Variants in CCDC68 observed in about 807,000 individuals in gnomAD.
CCDC68 encodes the protein coiled-coil domain containing 68, also known as coiled-coil domain-containing protein 68.
A neutral mutation model predicts 47.1 loss-of-function variants in CCDC68; 45 were observed. That is an observed-to-expected ratio of 0.96 (90% confidence interval 0.75 to 1.23). CCDC68 has a LOEUF of 1.23. CCDC68 is among the 50% of genes most tolerant of loss of function. The pLI, the probability that CCDC68 is intolerant of heterozygous loss-of-function variation, is 0.00. For synonymous variants in CCDC68, 131 were observed against 129.5 expected, an observed-to-expected ratio of 1.01 and a Z score of -0.08; for missense variants, 353 against 373.6, an observed-to-expected ratio of 0.94 and a Z score of 0.45.
Position 54,904,238 on chromosome 18 carries a change from A to G in CCDC68, c.*120T>C. ...GTCATCTTCTTGCAAAGCCATTGGT[A>G]TGTAATAAGTTCCATTTAAATAATG... On this transcript the variant is annotated 3_prime_UTR_variant, in exon 12 of 12. Coordinates refer to ENST00000591504, the MANE Select transcript of CCDC68 (RefSeq NM_025214.3). 1 of 718,900 alleles carries G rather than the reference A, an allele frequency of 1.4e-6. No individual in the cohort carries two copies. The highest frequency in any genetic ancestry group is 2.4e-6 in the Non-Finnish European group (1 of 410,186). The allele number at this position is 718,900 out of a possible 1,614,324, so 44.5% of individuals were successfully genotyped here.
In CCDC68 at chr18:54,904,168, G is replaced by T; in HGVS notation, c.*190C>A. 2.2e-6 allele frequency: 1 copy of T among 449,808 alleles called. No homozygotes were observed. 27.9% of individuals were successfully genotyped at this position (449,808 alleles called of 1,614,324 possible). On this transcript the variant is annotated 3_prime_UTR_variant, in exon 12 of 12. Transcript: ENST00000591504. ...TTTCTTCAACTATTTGGTAAGTTTT[G>T]AAGAGTCCATCCATTAAATATAGAT...
chr18:54,907,204 A>G (rs930912447), intron 11 of CCDC68, among the ~76,000 whole-genome samples: 3 of 152,230 alleles, frequency 2.0e-5, no homozygotes, highest in Admixed American at 6.5e-5. Flanking sequence ...AACCACAACA[A>G]AAATTTAACT....
chr18:54,940,146 T>C (rs1809722066), intron 4 of CCDC68, among the ~76,000 whole-genome samples: 2 of 152,096 alleles, frequency 1.3e-5, no homozygotes, highest in African/African-American at 4.8e-5. Context: ...CTTCTCCAGT[T>C]TCAGAACTTT....
chr18:54,907,313 A>C (rs900586724), intron 11 of CCDC68, among the ~76,000 whole-genome samples: 1 of 152,204 alleles, frequency 6.6e-6, no homozygotes, highest in Non-Finnish European at 1.5e-5. Flanking sequence ...CTGTTGAAGA[A>C]CCTTGTCCTT....
At chr18:54,909,637 T>C (rs149024966) in intron 10 of CCDC68, among the ~76,000 whole-genome samples, 7 of 152,276 alleles carry the variant, frequency 4.6e-5, no homozygotes, top group Admixed American at 2.6e-4. Context: ...TGTGAGCAAG[T>C]GGTGTGGGGT....
chr18:54,907,500 T>C (rs1407030459), intron 11 of CCDC68, among the ~76,000 whole-genome samples: 3 of 152,186 alleles, frequency 2.0e-5, no homozygotes, highest in Non-Finnish European at 4.4e-5. Context: ...GGAGATGATC[T>C]GTAATGTCTA....
intron 1 of CCDC68, among the ~76,000 whole-genome samples, chr18:54,954,067 T>TTTG (rs2044671266): frequency 6.9e-6 from 1 of 145,816 alleles, no homozygotes; most frequent in East Asian, 2.0e-4. Flanking sequence ...TTTTTTTTTT[T>TTTG]TTGTTTCAGA....
chr18:54,902,197 G>A lies in CCDC68; in HGVS notation c.*2161C>T, dbSNP rs1386059648. 1.3e-5 allele frequency: 2 copies of A among 152,152 alleles called. No individual in the cohort carries two copies. The highest frequency in any genetic ancestry group is 1.3e-4 in the Admixed American group (2 of 15,286). 9.4% of individuals were successfully genotyped at this position (152,152 alleles called of 1,614,324 possible). A position where few individuals can be genotyped will look rare whatever the true frequency, so the allele number is the denominator to read the frequency against. ...CCTCACTGTTATCATTTTTGCATAG[G>A]TGGTTTCACCACTGTATTTCCATGT... On this transcript the variant is annotated 3_prime_UTR_variant, in exon 12 of 12. Coordinates refer to ENST00000591504, the MANE Select transcript of CCDC68 (RefSeq NM_025214.3).
At chr18:54,940,315 T>A (rs944786379) in intron 4 of CCDC68, among the ~76,000 whole-genome samples, 3 of 152,244 alleles carry the variant, frequency 2.0e-5, no homozygotes, top group Non-Finnish European at 4.4e-5. Flanking sequence ...CTGAATTTTT[T>A]AATCTTCCCT....
chr18:54,904,352 G>T lies in CCDC68; in HGVS notation c.*6C>A. On this transcript the variant is annotated 3_prime_UTR_variant, in exon 12 of 12. Transcript: ENST00000591504. The stretch of plus-strand genomic sequence containing the variant: ...TCTTTCTAAATCAGATCTTCATCCA[G>T]CCAGTTCATTTCCGTAACCTAATCA... 6.2e-7 allele frequency: 1 copy of T among 1,607,436 alleles called. No homozygotes were observed. The highest frequency in any genetic ancestry group is 8.5e-7 in the Non-Finnish European group (1 of 1,174,140).
intron 6 of CCDC68, among the ~76,000 whole-genome samples, chr18:54,936,608 C>A (rs1056427691): frequency 7.9e-5 from 12 of 152,110 alleles, no homozygotes; most frequent in African/African-American, 2.7e-4. Context: ...CTCATGGGGG[C>A]TCTGGGCAAG....
At chr18:54,941,904 T>C (rs2044444225) in intron 3 of CCDC68, among the ~76,000 whole-genome samples, 1 of 152,190 alleles carries the variant, frequency 6.6e-6, no homozygotes, top group Admixed American at 6.5e-5. Flanking sequence ...CAAGCGATTC[T>C]CCTGCCTCAG....
chr18:54,944,166 C>T (rs1192492190), intron 2 of CCDC68, among the ~76,000 whole-genome samples: 1 of 152,110 alleles, frequency 6.6e-6, no homozygotes, highest in East Asian at 1.9e-4. Flanking sequence ...TAGCAGTTAG[C>T]ATCCCTCACG....
At chr18:54,955,325 G>A (rs1454390212) in intron 1 of CCDC68, among the ~76,000 whole-genome samples, 1 of 151,974 alleles carries the variant, frequency 6.6e-6, no homozygotes, top group Non-Finnish European at 1.5e-5. Context: ...ACCCCGTCTT[G>A]AAAAACACAC....
Position 54,957,625 on chromosome 18 carries a change from A to ACTCTCTCTCT in CCDC68, c.-103+1710_-103+1711insAGAGAGAGAG, listed in dbSNP as rs773661012. 8.3e-3 allele frequency among the ~76,000 whole-genome samples: 1,101 copies of ACTCTCTCTCT among 133,424 alleles called. 9 individuals carry two copies. The highest frequency in any genetic ancestry group is 9.9e-3 in the Non-Finnish European group (614 of 62,198). 87.5% of individuals were successfully genotyped at this position (133,424 alleles called of 152,430 possible). ...TAAAACAATGTACACACACACACAC[A>ACTCTCTCTCT]CACTCTCTCTCTCTCTCTCTCTCTC... is the stretch of plus-strand genomic sequence containing the variant. On this transcript the variant is annotated intron_variant, in intron 1 of 11. Coordinates refer to ENST00000591504, the MANE Select transcript of CCDC68 (RefSeq NM_025214.3).
chr18:54,921,048 C>T (rs527811432), intron 8 of CCDC68, among the ~76,000 whole-genome samples: 70 of 152,272 alleles, frequency 4.6e-4, no homozygotes, highest in South Asian at 1.0e-3. Context: ...TTTGCAGCAA[C>T]GTGGATGCAA....
At chr18:54,954,517 G>T (rs1232984433) in intron 1 of CCDC68, 1 of 152,200 alleles carries the variant, frequency 6.6e-6, no homozygotes, top group Non-Finnish European at 1.5e-5. Context: ...CCTTGTATCA[G>T]ATCACAACAA....
In CCDC68 at chr18:54,947,915, T is replaced by A. The variant is rs570987732; in HGVS notation, c.-102-2438A>T. Reference sequence around the variant, plus strand: ...GTTTCCTCAAACAATGATGCTAACATCTATTGAAGAGTTTACAATCTACAA... The same window carrying A: ...GTTTCCTCAAACAATGATGCTAACAACTATTGAAGAGTTTACAATCTACAA... On this transcript the variant is annotated intron_variant, in intron 1 of 11. Transcript: ENST00000591504. Among the ~76,000 whole-genome samples, 9 of 152,344 alleles carry A rather than the reference T, an allele frequency of 5.9e-5. No homozygotes were observed. In the South Asian group the frequency reaches 1.9e-3, roughly 32 times the overall value.
chr18:54,909,633 C>T (rs1227949204), intron 10 of CCDC68, among the ~76,000 whole-genome samples: 1 of 152,188 alleles, frequency 6.6e-6, no homozygotes, highest in Non-Finnish European at 1.5e-5. Context: ...GGTGTGTGAG[C>T]AAGTGGTGTG....
Sources: allele counts gnomAD v4.1 joint callset (sites outside exome capture counted in the v4.1 genomes callset), GRCh38; gene constraint gnomAD v4.1.1; transcripts MANE v1.5; gene names NCBI Gene and HGNC (gene_info 2026-07-23, HGNC 2026-07-21).